Variants in ATRNL1 observed in about 807,000 individuals in gnomAD.
ATRNL1 encodes the protein attractin like 1, also known as attractin-like protein 1.
ATRNL1 carries 95 observed loss-of-function variants against 182.7 expected under a neutral mutation model. That is an observed-to-expected ratio of 0.52 (90% CI 0.44 to 0.62). The LOEUF is 0.62. Among genes scored for constraint, ATRNL1 ranks in the 20% least tolerant of loss-of-function variants. ATRNL1 has a pLI of 0.00. For missense variants in ATRNL1, 1,471 were observed against 1,679.5 expected, an observed-to-expected ratio of 0.88 and a Z score of 2.17; for synonymous variants, 576 against 568.3, an observed-to-expected ratio of 1.01 and a Z score of -0.19.
chr10:115,564,633 A>G (rs1271439923), intron 26 of ATRNL1, among the ~76,000 whole-genome samples: 1 of 151,856 alleles, frequency 6.6e-6, no homozygotes, highest in South Asian at 2.1e-4. Context: ...TTTCATATCT[A>G]TTTTTAATAG....
intron 13 of ATRNL1, among the ~76,000 whole-genome samples, chr10:115,271,458 G>T (rs912736862): frequency 6.7e-6 from 1 of 149,106 alleles, no homozygotes. Flanking sequence ...GACAGGCCCC[G>T]GCAATTCCTC....
chr10:115,510,670 T>G (rs1440677437), intron 24 of ATRNL1, among the ~76,000 whole-genome samples: 2 of 152,084 alleles, frequency 1.3e-5, no homozygotes, highest in Admixed American at 6.6e-5. Context: ...ATATTAACTT[T>G]ATTGCAGTAG....
intron 27 of ATRNL1, among the ~76,000 whole-genome samples, chr10:115,795,091 T>A (rs529899576): frequency 6.6e-6 from 1 of 152,296 alleles, no homozygotes; most frequent in East Asian, 1.9e-4. Context: ...CTCAGTGATT[T>A]CTCCAGAAAG....
At chr10:115,676,804 A>G (rs1945877563) in intron 26 of ATRNL1, among the ~76,000 whole-genome samples, 1 of 152,074 alleles carries the variant, frequency 6.6e-6, no homozygotes, top group Admixed American at 6.6e-5. Flanking sequence ...CAAGCAGAGC[A>G]GGATGGCTGA....
chr10:115,729,919 T>G (rs1470532287), intron 27 of ATRNL1, among the ~76,000 whole-genome samples: 1 of 152,112 alleles, frequency 6.6e-6, no homozygotes, highest in Non-Finnish European at 1.5e-5. Context: ...CATGCATTTC[T>G]TTTATTTTTC....
intron 27 of ATRNL1, among the ~76,000 whole-genome samples, chr10:115,816,377 G>A (rs561658788): frequency 2.0e-5 from 3 of 152,050 alleles, no homozygotes; most frequent in Non-Finnish European, 2.9e-5. Context: ...TGTATAAGTC[G>A]TTCATTCATT....
intron 24 of ATRNL1, among the ~76,000 whole-genome samples, chr10:115,504,714 A>G (rs1850018716): frequency 6.6e-6 from 1 of 152,072 alleles, no homozygotes; most frequent in African/African-American, 2.4e-5. Context: ...TAAAGATTTT[A>G]CTTAAGTTAA....
At chr10:115,215,995 G>T in intron 9 of ATRNL1, 115 bp downstream of exon 9, 1 of 726,156 alleles carries the variant, frequency 1.4e-6, no homozygotes, top group Non-Finnish European at 2.0e-6. Context: ...TGTAAATGCT[G>T]ATATCGTCTT....
intron 26 of ATRNL1, among the ~76,000 whole-genome samples, chr10:115,589,539 A>G (rs1855778742): frequency 6.6e-6 from 1 of 152,106 alleles, no homozygotes; most frequent in Non-Finnish European, 1.5e-5. Flanking sequence ...TTAAATTCTC[A>G]TTGTACAAAG....
chr10:115,127,836 A>C, intron 4 of ATRNL1, 115 bp downstream of exon 4: 1 of 669,364 alleles, frequency 1.5e-6, no homozygotes, highest in Non-Finnish European at 2.2e-6. Context: ...CTACCGTGTT[A>C]AATTTCAAAT....
chr10:115,687,055 T>C (rs530805796), intron 26 of ATRNL1, among the ~76,000 whole-genome samples: 64 of 152,208 alleles, frequency 4.2e-4, no homozygotes, highest in African/African-American at 1.4e-3. Context: ...GGTTTTGATT[T>C]GGATTTTCCT....
At chr10:115,274,573 C>T (rs2133906228) in intron 13 of ATRNL1, among the ~76,000 whole-genome samples, 1 of 152,286 alleles carries the variant, frequency 6.6e-6, no homozygotes, top group East Asian at 1.9e-4. Flanking sequence ...GTTGCTACAT[C>T]TTGCTCACTA....
chr10:115,247,834 T>G (rs372019545), intron 10 of ATRNL1, among the ~76,000 whole-genome samples: 23 of 152,282 alleles, frequency 1.5e-4, no homozygotes, highest in Admixed American at 1.0e-3. Context: ...GAAATACTAT[T>G]CAGCCATAAA....
chr10:115,700,333 C>T (rs1337412732), intron 26 of ATRNL1, among the ~76,000 whole-genome samples: 2 of 152,162 alleles, frequency 1.3e-5, no homozygotes, highest in Non-Finnish European at 2.9e-5. Context: ...TTTTTCTCTG[C>T]AGCCTCACCA....
At chr10:115,445,804 C>G (rs1164388298) in intron 21 of ATRNL1, among the ~76,000 whole-genome samples, 1 of 1,576 alleles carries the variant, frequency 6.3e-4, no homozygotes, top group African/African-American at 3.7e-3. Context: ...TACCATTTAT[C>G]TTCTTTTTGT....
chr10:115,255,059 T>G (rs1265109398), intron 10 of ATRNL1, among the ~76,000 whole-genome samples: 3 of 152,198 alleles, frequency 2.0e-5, no homozygotes, highest in Admixed American at 1.3e-4. Flanking sequence ...TAGTTTGAAG[T>G]CAGGTGGCAT....
intron 21 of ATRNL1, among the ~76,000 whole-genome samples, chr10:115,435,890 C>T (rs1210208896): frequency 6.6e-6 from 1 of 152,088 alleles, no homozygotes; most frequent in African/African-American, 2.4e-5. Context: ...ATTGGATCTC[C>T]ATACTTAGAA....
rs1322446993 is a variant in ATRNL1, at chr10:115,587,604, C to T, written c.3795+38068C>T. 2.0e-4 allele frequency among the ~76,000 whole-genome samples: 23 copies of T among 113,238 alleles called. No individual in the cohort carries two copies. The East Asian group carries it at 3.4e-3, about 17-fold the overall frequency. The allele number at this position is 113,238 out of a possible 152,430, so 74.3% of individuals were successfully genotyped here. A position where few individuals can be genotyped will look rare whatever the true frequency, so the allele number is the denominator to read the frequency against. ...GCGCTTCCCGAGTGAGGCAATGCCTCGCCCGCTTCGGCTCGCGCATGGTGC... is the reference window on the plus strand; with the variant it reads ...GCGCTTCCCGAGTGAGGCAATGCCTTGCCCGCTTCGGCTCGCGCATGGTGC... On this transcript the variant is annotated intron_variant, in intron 26 of 28. Coordinates refer to ENST00000355044, the MANE Select transcript of ATRNL1 (RefSeq NM_207303.4).
At chr10:115,749,346 T>C (rs1225809435) in intron 27 of ATRNL1, among the ~76,000 whole-genome samples, 1 of 151,968 alleles carries the variant, frequency 6.6e-6, no homozygotes, top group Non-Finnish European at 1.5e-5. Context: ...CATTCCTTTT[T>C]GTCCTGTTAA....
Sources: gnomAD v4.1 joint callset for allele counts (sites outside exome capture counted in the v4.1 genomes callset) on GRCh38, gnomAD v4.1.1 for gene constraint, MANE v1.5 for transcripts, NCBI Gene and HGNC (gene_info 2026-07-23, HGNC 2026-07-21) for gene names.